The following NRG2 variants were observed in gnomAD, a reference collection of about 807,000 sequenced individuals.
The protein encoded by NRG2 is pro-neuregulin-2, membrane-bound isoform.
NRG2 carries 27 observed loss-of-function variants against 73.9 expected under a neutral mutation model. That is an observed-to-expected ratio of 0.37 (90% CI 0.27 to 0.50). NRG2 has a LOEUF of 0.50. Ranked by LOEUF, NRG2 falls within the 20% of genes least tolerant of loss-of-function variation. The pLI, the probability that NRG2 is intolerant of heterozygous loss-of-function variation, is 0.96. For missense variants in NRG2, 1,126 were observed against 1,210.1 expected, an observed-to-expected ratio of 0.93 and a Z score of 1.03; for synonymous variants, 532 against 541.0, an observed-to-expected ratio of 0.98 and a Z score of 0.23.
chr5:139,968,265 C>T (rs1047045323), intron 1 of NRG2, among the ~76,000 whole-genome samples: 1 of 152,150 alleles, frequency 6.6e-6, no homozygotes, highest in Non-Finnish European at 1.5e-5. Context: ...AGTGACAAGC[C>T]GGAGGCAGCT....
At position 139,847,805 on chromosome 5, in the gene NRG2, T is replaced by C; in HGVS notation, c.*112A>G. The C allele has an allele frequency of 4.0e-6, 3 of 740,766 alleles. No individual in the cohort carries two copies. The highest frequency in any genetic ancestry group is 4.3e-4 in the Middle Eastern group (1 of 2,322). 45.9% of individuals were successfully genotyped at this position (740,766 alleles called of 1,614,324 possible). Reference sequence around the variant, plus strand: ...ATTTTGTTATACTTTTTTCCTTTTATAGAAAATAAAAATATTTTTATTTCT... The same window carrying C: ...ATTTTGTTATACTTTTTTCCTTTTACAGAAAATAAAAATATTTTTATTTCT... On this transcript the variant is annotated 3_prime_UTR_variant, in exon 10 of 10. Coordinates refer to ENST00000361474, the MANE Select transcript of NRG2 (RefSeq NM_004883.3).
intron 1 of NRG2, among the ~76,000 whole-genome samples, chr5:139,909,273 T>A (rs2127190734): frequency 6.6e-6 from 1 of 152,338 alleles, no homozygotes; most frequent in South Asian, 2.1e-4. Flanking sequence ...TTAGACTTGT[T>A]TGAGTCATGT....
In NRG2 at chr5:139,865,033, C is replaced by G. The variant is rs751133916; in HGVS notation, c.1189+516G>C. 6.6e-5 allele frequency: 80 copies of G among 1,208,988 alleles called. 1 individual carries two copies. The South Asian group carries it at 8.7e-4, about 13-fold the overall frequency. 74.9% of individuals were successfully genotyped at this position (1,208,988 alleles called of 1,614,324 possible). On this transcript the variant is annotated intron_variant, in intron 5 of 9. Transcript: ENST00000361474. The surrounding 1 kb of genome is among the most constrained non-coding windows in gnomAD (Gnocchi z 5.2). ...GACACCCTCTACATCTCCCCCTAGT[C>G]TTGCTAAGCAAGGCCCCATCCCTCC...
In NRG2 at chr5:139,954,215, A is replaced by G. The variant is rs535253004; in HGVS notation, c.701-66704T>C. Among the ~76,000 whole-genome samples, 19 of 152,300 alleles carry G rather than the reference A, an allele frequency of 1.2e-4. No individual in the cohort carries two copies. The highest frequency in any genetic ancestry group is 4.6e-4 in the African/African-American group (19 of 41,558). Reference sequence around the variant, plus strand: ...AAAAGTGACCGTGGAGGAGAAATCCAGCCCAACCCAGGTCACGGTCACAGC... The same window carrying G: ...AAAAGTGACCGTGGAGGAGAAATCCGGCCCAACCCAGGTCACGGTCACAGC... On this transcript the variant is annotated intron_variant, in intron 1 of 9. Transcript: ENST00000361474. This position sits in a 1 kb window ranked among gnomAD's most constrained non-coding sequence, Gnocchi z 5.0.
intron 1 of NRG2, among the ~76,000 whole-genome samples, chr5:139,937,270 T>G (rs1752918627): frequency 6.6e-6 from 1 of 152,118 alleles, no homozygotes; most frequent in Non-Finnish European, 1.5e-5. Flanking sequence ...TTTGATAAAA[T>G]CTAACATCTA....
chr5:140,028,460 T>G (rs1760875002), intron 1 of NRG2, among the ~76,000 whole-genome samples: 1 of 152,172 alleles, frequency 6.6e-6, no homozygotes, highest in Non-Finnish European at 1.5e-5. Flanking sequence ...ACAGATAACT[T>G]GTCTCTTGAG....
At position 139,848,226 on chromosome 5, in the gene NRG2, G is replaced by T; in HGVS notation, c.2244C>A (p.Leu748=). 1 of 1,189,460 alleles carries T rather than the reference G, an allele frequency of 8.4e-7. No individual in the cohort carries two copies. Among genetic ancestry groups the T allele is most frequent in the Non-Finnish European group, 1.0e-6 (1 of 962,394 alleles). 73.7% of individuals were successfully genotyped at this position (1,189,460 alleles called of 1,614,324 possible). The change falls in exon 10 of 10, where the codon CTC becomes CTA. Residue 748 remains leucine, a synonymous_variant. Transcript: ENST00000361474. ...AGPRRWRRSR[L]NGLAAQRARA... ...GTGCGCGCTGCGCCGCCAGCCCGTT[G>T]AGGCGCGAGCGGCGCCAGCGCCGGG...
At chr5:139,911,653 A>G (rs1750830248) in intron 1 of NRG2, among the ~76,000 whole-genome samples, 1 of 152,084 alleles carries the variant, frequency 6.6e-6, no homozygotes, top group Admixed American at 6.5e-5. Flanking sequence ...CCTTGGGGTA[A>G]ATAGCCCCAT....
chr5:139,848,746 G>T (rs1165341586), intron 9 of NRG2, 49 bp from the exon 10 acceptor site: 5 of 1,088,416 alleles, frequency 4.6e-6, no homozygotes, highest in Non-Finnish European at 3.7e-6. Flanking sequence ...GGGCCGGCGC[G>T]GGGGAGGGGG....
chr5:140,006,874 A>T (rs1402189769), intron 1 of NRG2, among the ~76,000 whole-genome samples: 2 of 152,182 alleles, frequency 1.3e-5, no homozygotes, highest in Non-Finnish European at 2.9e-5. Flanking sequence ...CATTATAGAG[A>T]GGCTCATTAA....
chr5:139,998,112 G>A (rs961258685), intron 1 of NRG2, among the ~76,000 whole-genome samples: 1 of 152,154 alleles, frequency 6.6e-6, no homozygotes. Flanking sequence ...GGGAGTGGAG[G>A]TGTGGAGTCA....
intron 1 of NRG2, among the ~76,000 whole-genome samples, chr5:139,985,910 C>CA (rs1230425272): frequency 6.6e-6 from 1 of 152,102 alleles, no homozygotes; most frequent in Non-Finnish European, 1.5e-5. Context: ...AAGTGACTTT[C>CA]ACAGAGTCAT....
chr5:139,993,018 C>T (rs1757753467), intron 1 of NRG2, among the ~76,000 whole-genome samples: 1 of 151,654 alleles, frequency 6.6e-6, no homozygotes, highest in Non-Finnish European at 1.5e-5. Flanking sequence ...TTGGTAAAGA[C>T]ACCAGATTAT....
At chr5:140,019,953 C>T (rs1334819546) in intron 1 of NRG2, among the ~76,000 whole-genome samples, 1 of 152,150 alleles carries the variant, frequency 6.6e-6, no homozygotes, top group Non-Finnish European at 1.5e-5. Context: ...AGGGTTTCAC[C>T]ATGTTGGCCA....
intron 5 of NRG2, among the ~76,000 whole-genome samples, chr5:139,857,031 G>C (rs1362732974): frequency 6.6e-6 from 1 of 152,128 alleles, no homozygotes; most frequent in African/African-American, 2.4e-5. Context: ...ACTCCTCTGA[G>C]ACTACCCTGG....
In NRG2 at chr5:139,979,278, G is replaced by T. The variant is rs188051693; in HGVS notation, c.700+63092C>A. On this transcript the variant is annotated intron_variant, in intron 1 of 9. Coordinates refer to ENST00000361474, the MANE Select transcript of NRG2 (RefSeq NM_004883.3). ...CTACTAAGTCTGAAGTCAGATGGAC[G>T]CCTACGTTCAAATTCTAAATCTACC... Among the ~76,000 whole-genome samples the T allele has an allele frequency of 6.5e-4, 99 of 152,104 alleles. 2 individuals are homozygous for T. The East Asian group carries it at 0.017, about 26-fold the overall frequency.
At position 139,904,443 on chromosome 5, in the gene NRG2, C is replaced by T. The variant is rs1765098076; in HGVS notation, c.701-16932G>A. On this transcript the variant is annotated intron_variant, in intron 1 of 9. Coordinates refer to ENST00000361474, the MANE Select transcript of NRG2 (RefSeq NM_004883.3). This position sits in a 1 kb window ranked among gnomAD's most constrained non-coding sequence, Gnocchi z 6.0. ...GTGGGACGGCCTCAGCTCTCCGCTG[C>T]CGCGCTGCGCCCCCGCCGCCTGCAG... is the stretch of plus-strand genomic sequence containing the variant. 1 of 1,174,960 alleles carries T rather than the reference C, an allele frequency of 8.5e-7. No individual in the cohort carries two copies. 72.8% of individuals were successfully genotyped at this position (1,174,960 alleles called of 1,614,324 possible). A position where few individuals can be genotyped will look rare whatever the true frequency, so the allele number is the denominator to read the frequency against.
At chr5:139,946,117 C>A (rs748820776) in intron 1 of NRG2, among the ~76,000 whole-genome samples, 2 of 151,970 alleles carry the variant, frequency 1.3e-5, no homozygotes, top group Non-Finnish European at 2.9e-5. Context: ...ACAAGCTGAT[C>A]TTAAAATTCA....
At chr5:139,975,798 G>A (rs1561722465) in intron 1 of NRG2, among the ~76,000 whole-genome samples, 1 of 152,212 alleles carries the variant, frequency 6.6e-6, no homozygotes, top group Non-Finnish European at 1.5e-5. Flanking sequence ...AAAACTGTCT[G>A]TATCCTGGGG....
Sources: allele counts gnomAD v4.1 joint callset (sites outside exome capture counted in the v4.1 genomes callset), GRCh38; gene constraint gnomAD v4.1.1; non-coding constraint Gnocchi (gnomAD v3.1); transcripts MANE v1.5; gene names NCBI Gene and HGNC (gene_info 2026-07-23, HGNC 2026-07-21).